The following TXNRD3 variants were observed in gnomAD, a reference collection of about 807,000 sequenced individuals.
TXNRD3 encodes TXNRD3 neighbor gene protein.
In TXNRD3, 68 loss-of-function variants were observed where a neutral mutation model predicts 78.2. The ratio of observed to expected loss-of-function variants is 0.87; its 90% CI spans 0.72 to 1.06. TXNRD3 has a LOEUF of 1.06. Among genes scored for constraint, TXNRD3 ranks in the 50% least tolerant of loss-of-function variants. The pLI is 0.00. For missense variants in TXNRD3, 751 were observed against 809.5 expected (o/e 0.93, Z 0.88); for synonymous variants, 296 against 300.1 (o/e 0.99, Z 0.14).
intron 3 of TXNRD3, among the ~76,000 whole-genome samples, chr3:126,645,318 A>AT (rs1208007451): frequency 6.6e-6 from 1 of 152,180 alleles, no homozygotes; most frequent in Non-Finnish European, 1.5e-5. Flanking sequence ...GCATCTACAG[A>AT]TTTATTCTTG....
intron 5 of TXNRD3, among the ~76,000 whole-genome samples, chr3:126,642,590 GA>G (rs1242835839): frequency 2.0e-5 from 3 of 152,314 alleles, no homozygotes; most frequent in South Asian, 2.1e-4. Flanking sequence ...ACGCAAAACG[GA>G]GTGCCCCTTT....
chr3:126,623,111 A>G (rs1366541724), intron 10 of TXNRD3, among the ~76,000 whole-genome samples: 1 of 152,200 alleles, frequency 6.6e-6, no homozygotes, highest in Non-Finnish European at 1.5e-5. Context: ...GTGAGAAAAT[A>G]AATGTTGTTT....
At chr3:126,612,752 T>C (rs1219533853) in intron 13 of TXNRD3, among the ~76,000 whole-genome samples, 3 of 152,240 alleles carry the variant, frequency 2.0e-5, no homozygotes, top group African/African-American at 7.2e-5. Context: ...AAGATTTTAC[T>C]ATATTTAAAT....
At chr3:126,619,923 A>G (rs1938408900) in intron 12 of TXNRD3, among the ~76,000 whole-genome samples, 1 of 152,224 alleles carries the variant, frequency 6.6e-6, no homozygotes, top group Non-Finnish European at 1.5e-5. Flanking sequence ...ACTGTGTCAG[A>G]TTAAGAGACT....
chr3:126,617,247 T>C (rs1173148579), intron 12 of TXNRD3, among the ~76,000 whole-genome samples: 1 of 152,194 alleles, frequency 6.6e-6, no homozygotes, highest in Non-Finnish European at 1.5e-5. Context: ...TCTTTCTTTA[T>C]ACTCTACACA....
intron 1 of TXNRD3, among the ~76,000 whole-genome samples, chr3:126,652,739 T>C (rs898150656): frequency 9.2e-5 from 14 of 152,198 alleles, no homozygotes; most frequent in African/African-American, 2.7e-4. Context: ...GGATCCCGCC[T>C]AACACCCTGA....
chr3:126,634,160 T>C, intron 6 of TXNRD3, 109 bp from the exon 7 acceptor site: 1 of 969,494 alleles, frequency 1.0e-6, no homozygotes, highest in Non-Finnish European at 1.4e-6. Context: ...AATCAAGAAG[T>C]AGACAATCAG....
intron 1 of TXNRD3, among the ~76,000 whole-genome samples, chr3:126,649,968 C>T (rs1257771198): frequency 6.6e-6 from 1 of 152,066 alleles, no homozygotes; most frequent in Non-Finnish European, 1.5e-5. Flanking sequence ...CCACTGAACT[C>T]TACACTAAAA....
intron 14 of TXNRD3, chr3:126,609,357 C>G (rs1460222318): frequency 5.3e-6 from 1 of 187,540 alleles, no homozygotes. Flanking sequence ...CAGCTCAGAA[C>G]AGTCACACGC....
At position 126,608,483 on chromosome 3, in the gene TXNRD3, A is replaced by G. The variant is rs1233747248; in HGVS notation, c.1863+16T>C. The G allele has an allele frequency of 3.3e-6, 5 of 1,511,962 alleles. No homozygotes were observed. The highest frequency in any genetic ancestry group is 2.2e-5 in the Admixed American group (1 of 45,388). 93.7% of individuals were successfully genotyped at this position (1,511,962 alleles called of 1,614,324 possible). A position where few individuals can be genotyped will look rare whatever the true frequency, so the allele number is the denominator to read the frequency against. On this transcript the variant is annotated intron_variant, in intron 15 of 15. Coordinates refer to ENST00000524230, the MANE Select transcript of TXNRD3 (RefSeq NM_052883.3). Reference sequence around the variant, plus strand: ...ACATCAACTGAAGCCAATTTTTAAAACCTCCTGTTTCCTACCTCCCCACAT... The same window carrying G: ...ACATCAACTGAAGCCAATTTTTAAAGCCTCCTGTTTCCTACCTCCCCACAT...
intron 13 of TXNRD3, among the ~76,000 whole-genome samples, chr3:126,612,521 C>T (rs1214728922): frequency 6.6e-6 from 1 of 152,036 alleles, no homozygotes; most frequent in Admixed American, 6.6e-5. Context: ...AGTCTCACTC[C>T]AGGCTGGAGT....
intron 13 of TXNRD3, among the ~76,000 whole-genome samples, chr3:126,614,501 C>T (rs999895020): frequency 1.1e-4 from 16 of 151,990 alleles, no homozygotes; most frequent in African/African-American, 3.9e-4. Flanking sequence ...TAAAGACCAA[C>T]CAATGCAAAA....
intron 7 of TXNRD3, among the ~76,000 whole-genome samples, chr3:126,633,684 T>C (rs539319766): frequency 2.6e-5 from 4 of 152,318 alleles, no homozygotes; most frequent in Non-Finnish European, 5.9e-5. Context: ...CAAAGACAAA[T>C]AATTTTTAAT....
At position 126,641,935 on chromosome 3, in the gene TXNRD3, T is replaced by C. The variant is rs1309088997; in HGVS notation, c.712+97A>G. 3.7e-6 allele frequency: 5 copies of C among 1,355,052 alleles called. No homozygotes were observed. The African/African-American group carries it at 4.4e-5, about 12-fold the overall frequency. 83.9% of individuals were successfully genotyped at this position (1,355,052 alleles called of 1,614,324 possible). A position where few individuals can be genotyped will look rare whatever the true frequency, so the allele number is the denominator to read the frequency against. On this transcript the variant is annotated intron_variant, in intron 6 of 15. Transcript: ENST00000524230. ...TCCTAATGAATGTTCATTAAATGAA[T>C]TACGAACTCAACTATAAAAATATGA...
chr3:126,647,300 TA>T lies in TXNRD3; in HGVS notation c.244-5del, dbSNP rs1468746061. On this transcript the variant is annotated splice_region_variant and splice_polypyrimidine_tract_variant and intron_variant, in intron 1 of 15. Coordinates refer to ENST00000524230, the MANE Select transcript of TXNRD3 (RefSeq NM_052883.3). ...AAGAAGAAAAGAGTTCTTTCACCTG[TA>T]AAAAAAATTTAGCTAAGTTTCACTC... 2.3e-5 allele frequency: 36 copies of T among 1,533,904 alleles called. No individual in the cohort carries two copies. The East Asian group carries it at 6.9e-4, about 29-fold the overall frequency.
rs1334530968 is a variant in TXNRD3 at position 126,642,039 on chromosome 3, A to G, written c.705T>C (p.Asn235=). ...TTATGAACCATTACTCACCTTGTTGATTATATTCCCAGCCAAATTTCCTTG... is the reference window on the plus strand; with the variant it reads ...TTATGAACCATTACTCACCTTGTTGGTTATATTCCCAGCCAAATTTCCTTG... Residue 235 remains asparagine (N), a synonymous_variant, in exon 6 of 16, where the codon AAT becomes AAC. Coordinates refer to ENST00000524230, the MANE Select transcript of TXNRD3 (RefSeq NM_052883.3). 1 of 1,534,812 alleles carries G rather than the reference A, an allele frequency of 6.5e-7. No individual in the cohort carries two copies. The highest frequency in any genetic ancestry group is 2.4e-5 in the East Asian group (1 of 40,904).
At chr3:126,649,868 A>C (rs1252418962) in intron 1 of TXNRD3, among the ~76,000 whole-genome samples, 2 of 152,220 alleles carry the variant, frequency 1.3e-5, no homozygotes, top group Non-Finnish European at 2.9e-5. Flanking sequence ...GTAAGTGTTT[A>C]ATGGGTATAG....
rs1167982397 is a variant in TXNRD3 at position 126,607,472 on chromosome 3, C to T, written c.*433G>A. 6.5e-6 allele frequency: 1 copy of T among 152,710 alleles called. No homozygotes were observed. The highest frequency in any genetic ancestry group is 2.4e-5 in the African/African-American group (1 of 41,484). 9.5% of individuals were successfully genotyped at this position (152,710 alleles called of 1,614,324 possible). ...AGCATGTGTGAATTCTAGGCCCACGCACTAGAAAACCACTACTTTATAGCA... is the reference window on the plus strand; with the variant it reads ...AGCATGTGTGAATTCTAGGCCCACGTACTAGAAAACCACTACTTTATAGCA... On this transcript the variant is annotated 3_prime_UTR_variant, in exon 16 of 16. Coordinates refer to ENST00000524230, the MANE Select transcript of TXNRD3 (RefSeq NM_052883.3).
chr3:126,643,535 G>A (rs1039083462), intron 5 of TXNRD3, among the ~76,000 whole-genome samples: 1 of 152,032 alleles, frequency 6.6e-6, no homozygotes, highest in African/African-American at 2.4e-5. Context: ...ACGTGACCAC[G>A]ACACAGTACA....
Sources: allele counts gnomAD v4.1 joint callset (sites outside exome capture counted in the v4.1 genomes callset), GRCh38; gene constraint gnomAD v4.1.1; transcripts MANE v1.5; gene names NCBI Gene and HGNC (gene_info 2026-07-23, HGNC 2026-07-21).